PPARA: variants seen among roughly 807,000 people sequenced by gnomAD.
PPARA encodes peroxisome proliferator activated receptor alpha.
A neutral mutation model predicts 42.2 loss-of-function variants in PPARA; 22 were observed. That is an observed-to-expected ratio of 0.52 (90% CI 0.37 to 0.74). The LOEUF (loss-of-function observed/expected upper bound fraction) is 0.74. PPARA is among the 30% of genes least tolerant of loss of function. The pLI, the probability that PPARA is intolerant of heterozygous loss-of-function variation, is 0.00. For synonymous variants in PPARA, 242 were observed against 239.3 expected, an observed-to-expected ratio of 1.01 and a Z score of -0.10; for missense variants, 465 against 608.2, an observed-to-expected ratio of 0.76 and a Z score of 2.48.
rs1486049291 is a variant in PPARA, at chr22:46,242,757, ACAC to A, written c.*7378_*7380del. ...CACACACACACACACACACACACAC[ACAC>A]AGCTCTTCATTTCTCCTGAGCCATG... On this transcript the variant is annotated 3_prime_UTR_variant, in exon 9 of 9. Coordinates refer to ENST00000407236, the MANE Select transcript of PPARA (RefSeq NM_005036.6). The surrounding 1 kb of genome is among the most constrained non-coding windows in gnomAD (Gnocchi z 6.1). 1 of 150,184 alleles carries A rather than the reference ACAC, an allele frequency of 6.7e-6. No homozygotes were observed. The highest frequency in any genetic ancestry group is 1.5e-5 in the Non-Finnish European group (1 of 67,224). The allele number at this position is 150,184 out of a possible 1,614,324, so 9.3% of individuals were successfully genotyped here.
rs151199289 is a variant in PPARA at position 46,215,242 on chromosome 22, C to T, written c.278C>T (p.Ser93Phe). 5.0e-6 allele frequency: 8 copies of T among 1,614,030 alleles called. No homozygotes were observed. In the African/African-American group the frequency reaches 9.3e-5, roughly 19 times the overall value. ...YPVVPGSVDE[S>F]PSGALNIECR... ...GTGGTCCCCGGCAGCGTGGACGAGT[C>T]TCCCAGTGGAGCATTGAACATCGAA... The change falls in exon 5 of 9, where the codon TCT becomes TTT. Residue 93 changes from serine to phenylalanine, a missense_variant. This residue lies in a region of PPARA where 152 missense variants were observed against 139.1 expected (regional missense o/e 1.09). Coordinates refer to ENST00000407236, the MANE Select transcript of PPARA (RefSeq NM_005036.6).
Position 46,235,372 on chromosome 22 carries a change from ATG to A in PPARA, c.1401_1402del (p.Met467IlefsTer37). ...HPLLQEIYRD[M>X]Y Reference sequence around the variant, plus strand: ...GCTACTGCAGGAGATCTACAGGGACATGTACTGAGTTCCTTCAGATCAGCCAC... The same window carrying A: ...GCTACTGCAGGAGATCTACAGGGACATACTGAGTTCCTTCAGATCAGCCAC... On this transcript the variant is annotated frameshift_variant, in exon 9 of 9. Coordinates refer to ENST00000407236, the MANE Select transcript of PPARA (RefSeq NM_005036.6). LOFTEE classifies it high-confidence loss of function. The surrounding 1 kb of genome is among the most constrained non-coding windows in gnomAD (Gnocchi z 7.0). 1 of 1,613,838 alleles carries A rather than the reference ATG, an allele frequency of 6.2e-7. No individual in the cohort carries two copies. The highest frequency in any genetic ancestry group is 8.5e-7 in the Non-Finnish European group (1 of 1,179,932).
chr22:46,188,337 A>G lies in PPARA; in HGVS notation c.-42-10005A>G, dbSNP rs529161038. Among the ~76,000 whole-genome samples the G allele has an allele frequency of 3.9e-5, 6 of 152,342 alleles. No individual in the cohort carries two copies. The highest frequency in any genetic ancestry group is 3.4e-3 in the Middle Eastern group (1 of 294). On this transcript the variant is annotated intron_variant, in intron 3 of 8. Coordinates refer to ENST00000407236, the MANE Select transcript of PPARA (RefSeq NM_005036.6). The surrounding 1 kb of genome is among the most constrained non-coding windows in gnomAD (Gnocchi z 5.0). ...GATGTTTTGGGCCATATATGCAGATATGCTGTTCCCTTTTCCTTGAAATGG... is the reference window on the plus strand; with the variant it reads ...GATGTTTTGGGCCATATATGCAGATGTGCTGTTCCCTTTTCCTTGAAATGG...
chr22:46,214,666 G>A (rs1349734421), intron 4 of PPARA, among the ~76,000 whole-genome samples: 1 of 147,588 alleles, frequency 6.8e-6, no homozygotes, highest in African/African-American at 2.6e-5. Context: ...CCACGGGTCC[G>A]GAGACGCGCG....
rs1297708821 is a variant in PPARA, at chr22:46,200,839, G to T, written c.208+2248G>T. ...TCAGGAGGCTGAGGCAGGGAGAATT[G>T]CTTGAACCCAGGAGGCAGAGGTTGC... On this transcript the variant is annotated intron_variant, in intron 4 of 8. Coordinates refer to ENST00000407236, the MANE Select transcript of PPARA (RefSeq NM_005036.6). The surrounding 1 kb of genome is among the most constrained non-coding windows in gnomAD (Gnocchi z 4.8). Among the ~76,000 whole-genome samples, 2 of 152,072 alleles carry T rather than the reference G, an allele frequency of 1.3e-5. No individual in the cohort carries two copies. The highest frequency in any genetic ancestry group is 4.8e-5 in the African/African-American group (2 of 41,402).
rs1446957667 is a variant in PPARA at position 46,195,030 on chromosome 22, G to A, written c.-42-3312G>A. Among the ~76,000 whole-genome samples the A allele has an allele frequency of 2.0e-5, 3 of 149,754 alleles. No individual in the cohort carries two copies. Among genetic ancestry groups the A allele is most frequent in the Non-Finnish European group, 3.0e-5 (2 of 67,754 alleles). ...CGATTCTCTTGCCTCAGTCTCCTGA[G>A]TAGCTGGGATTACAGGCGCCTACCA... On this transcript the variant is annotated intron_variant, in intron 3 of 8. Transcript: ENST00000407236. The surrounding 1 kb of genome is among the most constrained non-coding windows in gnomAD (Gnocchi z 4.6).
At chr22:46,215,027 G>T in intron 4 of PPARA, 146 bp from the exon 5 acceptor site, 1 of 942,724 alleles carries the variant, frequency 1.1e-6, no homozygotes, top group Non-Finnish European at 1.7e-6. Flanking sequence ...GTGACCCAGA[G>T]GCAGGGCCCG....
rs1929465084 is a variant in PPARA, at chr22:46,178,300, A to G, written c.-43+1464A>G. On this transcript the variant is annotated intron_variant, in intron 3 of 8. Transcript: ENST00000407236. ...TATGCCTATAGAAATTACAGACTCC[A>G]TTTTCCAGGATAGAATAACAGGGAC... is the stretch of plus-strand genomic sequence containing the variant. Among the ~76,000 whole-genome samples the G allele has an allele frequency of 1.3e-5, 2 of 152,184 alleles. 1 individual carries two copies. The highest frequency in any genetic ancestry group is 4.1e-4 in the South Asian group (2 of 4,834).
At position 46,232,153 on chromosome 22, in the gene PPARA, A is replaced by C. The variant is rs1288320810; in HGVS notation, c.1073A>C (p.Lys358Thr). ...RKPFCDIMEP[K>T]FDFAMKFNAL... is the part of the protein sequence containing the mutation. ...CCGTTCTGTGATATCATGGAACCCAAGTTTGATTTTGCCATGAAGTTCAAT... is the reference window on the plus strand; with the variant it reads ...CCGTTCTGTGATATCATGGAACCCACGTTTGATTTTGCCATGAAGTTCAAT... The change falls in exon 8 of 9, where the codon AAG becomes ACG. Residue 358 changes from lysine (K) to threonine (T), a missense_variant. Physicochemically the swap from Lys to Thr is moderately conservative, Grantham distance 78 (BLOSUM62 -1). This residue lies in a region of PPARA where 313 missense variants were observed against 469.1 expected (regional missense o/e 0.67). Transcript: ENST00000407236. This position sits in a 1 kb window ranked among gnomAD's most constrained non-coding sequence, Gnocchi z 5.3. The C allele has an allele frequency of 6.2e-7, 1 of 1,614,106 alleles. No individual in the cohort carries two copies. Among genetic ancestry groups the C allele is most frequent in the Non-Finnish European group, 8.5e-7 (1 of 1,180,044 alleles).
At position 46,173,970 on chromosome 22, in the gene PPARA, C is replaced by T. The variant is rs550763074; in HGVS notation, c.-126-2783C>T. Reference sequence around the variant, plus strand: ...CTGTAATCCCAGCACTTTGGGAGGCCGAGGTGGGTGGATTGTGAGGTCAGG... The same window carrying T: ...CTGTAATCCCAGCACTTTGGGAGGCTGAGGTGGGTGGATTGTGAGGTCAGG... On this transcript the variant is annotated intron_variant, in intron 2 of 8. Coordinates refer to ENST00000407236, the MANE Select transcript of PPARA (RefSeq NM_005036.6). The surrounding 1 kb of genome is among the most constrained non-coding windows in gnomAD (Gnocchi z 4.3). 1.7e-4 allele frequency among the ~76,000 whole-genome samples: 20 copies of T among 118,032 alleles called. No individual in the cohort carries two copies. The highest frequency in any genetic ancestry group is 4.7e-4 in the African/African-American group (12 of 25,596). 77.4% of individuals were successfully genotyped at this position (118,032 alleles called of 152,430 possible).
chr22:46,168,584 A>G (rs1374641935), intron 2 of PPARA, among the ~76,000 whole-genome samples: 1 of 151,842 alleles, frequency 6.6e-6, no homozygotes, highest in Non-Finnish European at 1.5e-5. Context: ...CAAACAACCC[A>G]ATTAAAAATG....
intron 3 of PPARA, among the ~76,000 whole-genome samples, chr22:46,185,762 G>T (rs1188895215): frequency 6.7e-6 from 1 of 149,392 alleles, no homozygotes; most frequent in East Asian, 2.0e-4. Flanking sequence ...AGGTATGGTG[G>T]CAGCCGCCTG....
rs1053663491 is a variant in PPARA at position 46,150,964 on chromosome 22, G to C, written c.-210+312G>C. On this transcript the variant is annotated intron_variant, in intron 1 of 8. Coordinates refer to ENST00000407236, the MANE Select transcript of PPARA (RefSeq NM_005036.6). The surrounding 1 kb of genome is among the most constrained non-coding windows in gnomAD (Gnocchi z 7.5). ...ACCCGAGTCCGCGGCTGTCCCTGGG[G>C]TTTGGCGCTGCGCGGAGGTCGGGTC... The C allele has an allele frequency of 1.3e-5, 2 of 152,206 alleles. No individual in the cohort carries two copies. The highest frequency in any genetic ancestry group is 4.8e-5 in the African/African-American group (2 of 41,454). The allele number at this position is 152,206 out of a possible 1,614,324, so 9.4% of individuals were successfully genotyped here.
intron 7 of PPARA, chr22:46,220,725 T>C (rs1017915692): frequency 1.3e-5 from 2 of 151,340 alleles, no homozygotes; most frequent in African/African-American, 4.9e-5. Flanking sequence ...GGCAGATTGC[T>C]TGAGTCCAGG....
At chr22:46,215,464 G>A (rs1005397070) in intron 5 of PPARA, 131 bp downstream of exon 5, 81 of 1,210,020 alleles carry the variant, frequency 6.7e-5, no homozygotes, top group African/African-American at 6.5e-4. Flanking sequence ...CAGGCCAGGC[G>A]CGGTATCTCA....
In PPARA at chr22:46,177,253, C is replaced by T. The variant is rs181453791; in HGVS notation, c.-43+417C>T. Among the ~76,000 whole-genome samples the T allele has an allele frequency of 3.3e-5, 5 of 151,668 alleles. No individual in the cohort carries two copies. The East Asian group carries it at 9.7e-4, about 29-fold the overall frequency. On this transcript the variant is annotated intron_variant, in intron 3 of 8. Coordinates refer to ENST00000407236, the MANE Select transcript of PPARA (RefSeq NM_005036.6). ...AAAATAAAAATAATCTGTTTAATAG[C>T]CTACTAGTGTTCTTCCTTTACTATT...
At chr22:46,172,807 G>A (rs966874653) in intron 2 of PPARA, among the ~76,000 whole-genome samples, 1 of 152,196 alleles carries the variant, frequency 6.6e-6, no homozygotes, top group African/African-American at 2.4e-5. Context: ...CACAGGGCTT[G>A]TTGAGTAGGA....
intron 2 of PPARA, among the ~76,000 whole-genome samples, chr22:46,169,597 CTG>C (rs754315472): frequency 5.9e-5 from 9 of 151,884 alleles, no homozygotes; most frequent in Non-Finnish European, 1.2e-4. Context: ...TGAGACCTCT[CTG>C]TACTTTCCAC....
Position 46,231,967 on chromosome 22 carries a change from G to A in PPARA, c.887G>A (p.Gly296Asp). The A allele has an allele frequency of 6.2e-7, 1 of 1,614,224 alleles. No individual in the cohort carries two copies. Among genetic ancestry groups the A allele is most frequent in the Non-Finnish European group, 8.5e-7 (1 of 1,180,048 alleles). The stretch of plus-strand genomic sequence containing the variant: ...ACGGAATTCGCCAAGGCCATCCCAG[G>A]CTTCGCAAACTTGGACCTGAACGAT... ...ELTEFAKAIPGFANLDLNDQV... is the reference protein window; with the variant it reads ...ELTEFAKAIPDFANLDLNDQV... Residue 296 changes from glycine to aspartate, a missense_variant, in exon 8 of 9, where the codon GGC (glycine) becomes GAC (aspartate). By Grantham distance (94) the Gly-to-Asp change is moderately conservative. Transcript: ENST00000407236. The surrounding 1 kb of genome is among the most constrained non-coding windows in gnomAD (Gnocchi z 7.7).
Sources: gnomAD v4.1 joint callset for allele counts (sites outside exome capture counted in the v4.1 genomes callset) on GRCh38, gnomAD v4.1.1 for gene constraint, gnomAD v4.1.1 regional missense constraint, Gnocchi (gnomAD v3.1) non-coding constraint, MANE v1.5 for transcripts, NCBI Gene and HGNC (gene_info 2026-07-23, HGNC 2026-07-21) for gene names.